The following MAP3K19 variants were observed in gnomAD, a reference collection of about 807,000 sequenced individuals.
MAP3K19 encodes the protein mitogen-activated protein kinase kinase kinase 19.
A neutral mutation model predicts 114.4 loss-of-function variants in MAP3K19; 91 were observed. The observed-to-expected ratio is 0.80, with a 90% CI of 0.67 to 0.95. The LOEUF (loss-of-function observed/expected upper bound fraction) is 0.95. Among genes scored for constraint, MAP3K19 ranks in the 40% least tolerant of loss-of-function variants. The pLI, the probability that MAP3K19 is intolerant of heterozygous loss-of-function variation, is 0.00. For synonymous variants in MAP3K19, 518 were observed against 530.5 expected (o/e 0.98, Z 0.32); for missense variants, 1,471 against 1,573.2 (o/e 0.94, Z 1.10).
In MAP3K19 at chr2:134,999,790, T is replaced by C. The variant is rs1203366340; in HGVS notation, c.314+147A>G. The C allele has an allele frequency of 1.6e-6, 1 of 621,146 alleles. No individual in the cohort carries two copies. Among genetic ancestry groups the C allele is most frequent in the Non-Finnish European group, 2.9e-6 (1 of 349,290 alleles). 38.5% of individuals were successfully genotyped at this position (621,146 alleles called of 1,614,324 possible). A position where few individuals can be genotyped will look rare whatever the true frequency, so the allele number is the denominator to read the frequency against. Reference sequence around the variant, plus strand: ...ATGGCCCACACAGCCAAAGTGTTTATGATCTGGCCTCTGCCACATACTATT... The same window carrying C: ...ATGGCCCACACAGCCAAAGTGTTTACGATCTGGCCTCTGCCACATACTATT... On this transcript the variant is annotated intron_variant, in intron 7 of 12. Coordinates refer to ENST00000392915, the MANE Select transcript of MAP3K19 (RefSeq NM_025052.5). This position sits in a 1 kb window ranked among gnomAD's most constrained non-coding sequence, Gnocchi z 4.1.
chr2:135,034,972 G>C lies in MAP3K19; in HGVS notation c.-283-4472C>G, dbSNP rs184294487. ...ATATCAAGAAAATGTGATATTATTT[G>C]GTTATAAAAATAAAGTATTGACACA... On this transcript the variant is annotated intron_variant, in intron 2 of 12. Transcript: ENST00000392915. Among the ~76,000 whole-genome samples, 15 of 152,022 alleles carry C rather than the reference G, an allele frequency of 9.9e-5. No homozygotes were observed. In the East Asian group the frequency reaches 2.7e-3, roughly 27 times the overall value.
chr2:135,014,210 G>A (rs951288387), intron 5 of MAP3K19, among the ~76,000 whole-genome samples: 10 of 151,958 alleles, frequency 6.6e-5, no homozygotes, highest in Admixed American at 3.3e-4. Context: ...AAAAATTAGC[G>A]GAGCCTGGTG....
At chr2:134,976,721 TA>T (rs1684257153) in intron 12 of MAP3K19, among the ~76,000 whole-genome samples, 1 of 149,528 alleles carries the variant, frequency 6.7e-6, no homozygotes, top group Non-Finnish European at 1.5e-5. Flanking sequence ...TGTATAAAAG[TA>T]TTATATTTTG....
chr2:135,011,514 G>A (rs1394847884), intron 5 of MAP3K19, among the ~76,000 whole-genome samples: 1 of 143,062 alleles, frequency 7.0e-6, no homozygotes. Context: ...TCCAGCCTGG[G>A]CGACAGAGCG....
intron 6 of MAP3K19, 36 bp downstream of exon 6, chr2:135,005,399 A>G: frequency 2.7e-6 from 4 of 1,458,020 alleles, no homozygotes; most frequent in Non-Finnish European, 3.8e-6. Context: ...TGATAATGTT[A>G]TCTTTGTAAA....
intron 2 of MAP3K19, among the ~76,000 whole-genome samples, chr2:135,035,352 G>C (rs905317290): frequency 6.6e-6 from 1 of 152,086 alleles, no homozygotes; most frequent in African/African-American, 2.4e-5. Context: ...AGCTGTGATC[G>C]TGCTACTGCA....
intron 9 of MAP3K19, among the ~76,000 whole-genome samples, chr2:134,988,494 G>A (rs1331562860): frequency 6.6e-6 from 1 of 151,922 alleles, no homozygotes; most frequent in Non-Finnish European, 1.5e-5. Flanking sequence ...GGGCTCAAGC[G>A]ATCCTCCCAC....
intron 1 of MAP3K19, among the ~76,000 whole-genome samples, chr2:135,042,165 G>T (rs534843936): frequency 2.6e-5 from 4 of 152,212 alleles, no homozygotes; most frequent in Non-Finnish European, 5.9e-5. Context: ...TCTTACAGAT[G>T]TCAGAGAAAT....
At chr2:135,006,832 G>C (rs1407726665) in intron 5 of MAP3K19, among the ~76,000 whole-genome samples, 4 of 148,290 alleles carry the variant, frequency 2.7e-5, no homozygotes, top group African/African-American at 1.0e-4. Flanking sequence ...AAAAGAGAGA[G>C]AGAAAGAGAG....
chr2:134,999,832 T>G lies in MAP3K19; in HGVS notation c.314+105A>C. The G allele has an allele frequency of 1.3e-6, 1 of 795,010 alleles. No homozygotes were observed. Among genetic ancestry groups the G allele is most frequent in the Non-Finnish European group, 2.1e-6 (1 of 467,798 alleles). 49.2% of individuals were successfully genotyped at this position (795,010 alleles called of 1,614,324 possible). On this transcript the variant is annotated intron_variant, in intron 7 of 12. Coordinates refer to ENST00000392915, the MANE Select transcript of MAP3K19 (RefSeq NM_025052.5). This position sits in a 1 kb window ranked among gnomAD's most constrained non-coding sequence, Gnocchi z 4.1. ...CATACTATTTATTGTGACCTCTACT[T>G]TTAAGCATTATTATGGATTCAATTA...
intron 1 of MAP3K19, among the ~76,000 whole-genome samples, chr2:135,042,820 G>GCCTGTAATC (rs1405387105): frequency 6.6e-6 from 1 of 152,122 alleles, no homozygotes; most frequent in Non-Finnish European, 1.5e-5. Flanking sequence ...GGTGGCTCAC[G>GCCTGTAATC]CCTGTAATCC....
rs781390761 is a variant in MAP3K19 at position 135,005,514 on chromosome 2, A to G, written c.156T>C (p.Gly52=). 6.2e-7 allele frequency: 1 copy of G among 1,614,010 alleles called. No individual in the cohort carries two copies. Among genetic ancestry groups the G allele is most frequent in the Admixed American group, 1.7e-5 (1 of 60,028 alleles). Residue 52 remains glycine (G), a synonymous_variant, in exon 6 of 13, where the codon GGT becomes GGC. Transcript: ENST00000392915. The stretch of plus-strand genomic sequence containing the variant: ...TAACCAGTGTGGAATGACTGCAGTC[A>G]CCATCTTGGTCGAACTCCTGCAATA... ...ISRSEEFDQD[G]DCSHSTLVNE... is the part of the protein sequence containing the mutation.
At chr2:135,021,461 GACACACACACATACAC>G (rs1312580368) in intron 5 of MAP3K19, among the ~76,000 whole-genome samples, 2 of 143,226 alleles carry the variant, frequency 1.4e-5, no homozygotes, top group Non-Finnish European at 3.0e-5. Context: ...AACTGACTAA[GACACACACACATACAC>G]ACACACACAC....
At chr2:134,992,915 G>A (rs1444583389) in intron 8 of MAP3K19, among the ~76,000 whole-genome samples, 2 of 151,774 alleles carry the variant, frequency 1.3e-5, no homozygotes, top group African/African-American at 4.8e-5. Flanking sequence ...ACTTGACCTC[G>A]TGATCCACCG....
At chr2:135,017,194 T>C (rs184444222) in intron 5 of MAP3K19, among the ~76,000 whole-genome samples, 124 of 152,332 alleles carry the variant, frequency 8.1e-4, no homozygotes, top group East Asian at 1.7e-3. Flanking sequence ...TCTATGTATA[T>C]TGCTATTTAC....
chr2:134,971,980 G>A (rs1683912059), intron 12 of MAP3K19, among the ~76,000 whole-genome samples: 1 of 151,530 alleles, frequency 6.6e-6, no homozygotes, highest in African/African-American at 2.4e-5. Flanking sequence ...GGTACATGGT[G>A]TATATATTTA....
In MAP3K19 at chr2:135,028,825, GAA is replaced by G. The variant is rs960374857; in HGVS notation, c.-95+1485_-95+1486del. ...CCTCAGCTTCTCTAGGGACAAACTAGAAATAATGGTATTACTTCAGCAGGGTA... is the reference window on the plus strand; with the variant it reads ...CCTCAGCTTCTCTAGGGACAAACTAGATAATGGTATTACTTCAGCAGGGTA... On this transcript the variant is annotated intron_variant, in intron 3 of 12. Coordinates refer to ENST00000392915, the MANE Select transcript of MAP3K19 (RefSeq NM_025052.5). 1.4e-4 allele frequency among the ~76,000 whole-genome samples: 21 copies of G among 152,072 alleles called. 1 individual carries two copies. Among genetic ancestry groups the G allele is most frequent in the Admixed American group, 1.2e-3 (18 of 15,292 alleles).
intron 11 of MAP3K19, chr2:134,983,233 G>A (rs1182299450): frequency 1.9e-6 from 1 of 534,116 alleles, no homozygotes; most frequent in Non-Finnish European, 3.8e-6. Flanking sequence ...AAAATGGAAG[G>A]AACATCTTTT....
chr2:135,008,175 T>A (rs1312635451), intron 5 of MAP3K19, among the ~76,000 whole-genome samples: 3 of 151,676 alleles, frequency 2.0e-5, no homozygotes, highest in African/African-American at 7.3e-5. Flanking sequence ...CAGGCTGGAG[T>A]GCAGTGGTGC....
Sources: gnomAD v4.1 joint callset for allele counts (sites outside exome capture counted in the v4.1 genomes callset) on GRCh38, gnomAD v4.1.1 for gene constraint, Gnocchi (gnomAD v3.1) non-coding constraint, MANE v1.5 for transcripts, NCBI Gene and HGNC (gene_info 2026-07-23, HGNC 2026-07-21) for gene names.